C9orf153: variants seen among roughly 807,000 people sequenced by gnomAD.
C9orf153 encodes the protein chromosome 9 open reading frame 153, also known as uncharacterized protein C9orf153.
C9orf153 carries 10 observed loss-of-function variants against 9.0 expected under a neutral mutation model. The ratio of observed to expected loss-of-function variants is 1.11; its 90% CI spans 0.69 to 1.89. The LOEUF (loss-of-function observed/expected upper bound fraction) is 1.89. Ranked by LOEUF, C9orf153 falls within the 40% of genes most tolerant of loss-of-function variation. The pLI is 0.00. For missense variants in C9orf153, 108 were observed against 111.0 expected (o/e 0.97, Z 0.12); for synonymous variants, 35 against 37.3 (o/e 0.94, Z 0.23).
At position 86,229,479 on chromosome 9, in the gene C9orf153, A is replaced by G. The variant is rs1824414618; in HGVS notation, c.66+59T>C. On this transcript the variant is annotated intron_variant, in intron 2 of 3. Coordinates refer to ENST00000339137, the MANE Select transcript of C9orf153 (RefSeq NM_001276366.4). Reference sequence around the variant, plus strand: ...TGTGCGTTCAATAGTTTGAATGTTTATGATTCTTGAATGTAAAGCTCCCTG... The same window carrying G: ...TGTGCGTTCAATAGTTTGAATGTTTGTGATTCTTGAATGTAAAGCTCCCTG... The G allele has an allele frequency of 8.3e-6, 10 of 1,198,788 alleles. No individual in the cohort carries two copies. In the Admixed American group the frequency reaches 1.8e-4, roughly 22 times the overall value. The allele number at this position is 1,198,788 out of a possible 1,614,324, so 74.3% of individuals were successfully genotyped here.
At chr9:86,251,138 T>C (rs1824984956) in intron 1 of C9orf153, among the ~76,000 whole-genome samples, 1 of 152,216 alleles carries the variant, frequency 6.6e-6, no homozygotes, top group South Asian at 2.1e-4. Flanking sequence ...TAAAAACTCC[T>C]AGAGTTTTGC....
At chr9:86,234,059 G>A (rs1278025951) in intron 1 of C9orf153, among the ~76,000 whole-genome samples, 1 of 152,076 alleles carries the variant, frequency 6.6e-6, no homozygotes, top group Non-Finnish European at 1.5e-5. Flanking sequence ...CTCCAGCCTG[G>A]AGAAAGAGTG....
At position 86,225,504 on chromosome 9, in the gene C9orf153, G is replaced by A. The variant is rs548088398; in HGVS notation, c.242+2351C>T. Among the ~76,000 whole-genome samples, 28 of 151,188 alleles carry A rather than the reference G, an allele frequency of 1.9e-4. No individual in the cohort carries two copies. The South Asian group carries it at 5.4e-3, about 29-fold the overall frequency. On this transcript the variant is annotated intron_variant, in intron 3 of 3. Transcript: ENST00000339137. ...GACGGAGTCTCACTCTGTTGCCCAG[G>A]CTGGAGTGTAGTGGCGCGATCTTGG...
At chr9:86,240,005 C>G (rs1824695960) in intron 1 of C9orf153, among the ~76,000 whole-genome samples, 1 of 152,174 alleles carries the variant, frequency 6.6e-6, no homozygotes, top group Non-Finnish European at 1.5e-5. Context: ...AATGAAGGCA[C>G]TGGTGCACAC....
At chr9:86,233,730 C>A (rs111780889) in intron 1 of C9orf153, among the ~76,000 whole-genome samples, 4 of 152,112 alleles carry the variant, frequency 2.6e-5, no homozygotes, top group Non-Finnish European at 5.9e-5. Context: ...TTATAAATTT[C>A]TTGACCAGAC....
rs777641427 is a variant in C9orf153 at position 86,227,987 on chromosome 9, C to T, written c.110G>A (p.Ser37Asn). 5.0e-6 allele frequency: 8 copies of T among 1,612,514 alleles called. No individual in the cohort carries two copies. In the South Asian group the frequency reaches 7.7e-5, roughly 16 times the overall value. ...YACIENFNKESKKSNLLKMHG... is the reference protein window; with the variant it reads ...YACIENFNKENKKSNLLKMHG... ...CATTTTTAGAAGATTTGATTTCTTG[C>T]TCTCCTTATTAAAATTCTCAATACA... The change falls in exon 3 of 4, where the codon AGC (serine) becomes AAC (asparagine). Residue 37 changes from serine to asparagine, a missense_variant. Coordinates refer to ENST00000339137, the MANE Select transcript of C9orf153 (RefSeq NM_001276366.4).
At chr9:86,258,923 C>G (rs1036727793) in intron 1 of C9orf153, among the ~76,000 whole-genome samples, 1 of 151,816 alleles carries the variant, frequency 6.6e-6, no homozygotes, top group African/African-American at 2.4e-5. Context: ...TAACTAAAGC[C>G]CATACTTCAC....
At chr9:86,249,548 CTT>C (rs369850072) in intron 1 of C9orf153, among the ~76,000 whole-genome samples, 32 of 128,350 alleles carry the variant, frequency 2.5e-4, no homozygotes, top group Middle Eastern at 3.9e-3. Context: ...CGTCTCCCAC[CTT>C]TTTTTTTTTT....
intron 1 of C9orf153, among the ~76,000 whole-genome samples, chr9:86,238,960 T>TAAA (rs34207023): frequency 2.7e-5 from 4 of 146,338 alleles, no homozygotes; most frequent in African/African-American, 1.0e-4. Context: ...TCTATTTCTG[T>TAAA]AAAAAAAAAA....
intron 1 of C9orf153, among the ~76,000 whole-genome samples, chr9:86,234,887 C>T (rs143136950): frequency 8.9e-4 from 136 of 152,250 alleles, no homozygotes; most frequent in East Asian, 8.7e-3. Flanking sequence ...ATATGGGCAA[C>T]GGGACTTCTA....
At chr9:86,233,474 T>C (rs931380095) in intron 1 of C9orf153, among the ~76,000 whole-genome samples, 7 of 152,134 alleles carry the variant, frequency 4.6e-5, no homozygotes, top group African/African-American at 1.2e-4. Flanking sequence ...TGGAGTGCAG[T>C]GGCGCAGTCT....
chr9:86,224,826 C>T (rs1244851032), intron 3 of C9orf153, among the ~76,000 whole-genome samples: 1 of 147,210 alleles, frequency 6.8e-6, no homozygotes, highest in Non-Finnish European at 1.5e-5. Flanking sequence ...GTAGTCCCAG[C>T]TACATGGGAG....
At chr9:86,229,264 A>AG (rs1000647963) in intron 2 of C9orf153, among the ~76,000 whole-genome samples, 2 of 151,334 alleles carry the variant, frequency 1.3e-5, no homozygotes, top group Non-Finnish European at 2.9e-5. Context: ...CCTAAAGAAA[A>AG]AAAAAAAAAA....
At chr9:86,248,798 A>G (rs2131202359) in intron 1 of C9orf153, among the ~76,000 whole-genome samples, 1 of 152,198 alleles carries the variant, frequency 6.6e-6, no homozygotes, top group East Asian at 1.9e-4. Context: ...GTGGGCAGGC[A>G]CTAGGTCAAC....
chr9:86,246,501 C>A (rs1209808230), intron 1 of C9orf153, among the ~76,000 whole-genome samples: 1 of 152,004 alleles, frequency 6.6e-6, no homozygotes, highest in East Asian at 1.9e-4. Context: ...TTGGTGAAGA[C>A]CCTCGGGGCC....
chr9:86,247,840 C>T (rs1186112665), intron 1 of C9orf153, among the ~76,000 whole-genome samples: 2 of 152,186 alleles, frequency 1.3e-5, no homozygotes, highest in African/African-American at 2.4e-5. Flanking sequence ...CATAGTCTCT[C>T]TTTTTTGTCC....
intron 1 of C9orf153, among the ~76,000 whole-genome samples, chr9:86,245,675 T>C (rs548586532): frequency 6.6e-6 from 1 of 152,320 alleles, no homozygotes; most frequent in African/African-American, 2.4e-5. Flanking sequence ...ATAAAGCTGC[T>C]CTGAAGGTGT....
intron 1 of C9orf153, among the ~76,000 whole-genome samples, chr9:86,247,325 G>A (rs762947037): frequency 1.3e-5 from 2 of 151,662 alleles, no homozygotes; most frequent in Non-Finnish European, 2.9e-5. Flanking sequence ...TCTTTTTCTT[G>A]TGCACATTCC....
chr9:86,240,122 A>G (rs1824698141), intron 1 of C9orf153, among the ~76,000 whole-genome samples: 1 of 152,158 alleles, frequency 6.6e-6, no homozygotes, highest in Non-Finnish European at 1.5e-5. Flanking sequence ...ACTTAAATAT[A>G]TTATCTGATT....
Sources: gnomAD v4.1 joint callset for allele counts (sites outside exome capture counted in the v4.1 genomes callset) on GRCh38, gnomAD v4.1.1 for gene constraint, MANE v1.5 for transcripts, NCBI Gene and HGNC (gene_info 2026-07-23, HGNC 2026-07-21) for gene names.